Variants in VMA21 observed in about 807,000 individuals in gnomAD.
VMA21 encodes vacuolar ATPase assembly factor VMA21, also known as vacuolar ATPase assembly integral membrane protein VMA21.
For synonymous variants in VMA21, 47 were observed against 34.1 expected (o/e 1.38, Z -1.32); for missense variants, 61 against 80.6 (o/e 0.76, Z 0.93).
At chrX:151,396,641 G>T (rs2011190964), upstream of VMA21, 1 of 362,067 alleles carries the variant, frequency 2.8e-6, no homozygotes, top group African/African-American at 2.6e-5. Flanking sequence ...TAGTTTTACG[G>T]ACTCGGGTGA....
chrX:151,401,978 C>A (rs2011240401), intron 1 of VMA21, among the ~76,000 whole-genome samples: 2 of 110,350 alleles, frequency 1.8e-5, no homozygotes, highest in African/African-American at 6.6e-5. Flanking sequence ...GTCAAACTCC[C>A]GGCCTCAAGC....
At chrX:151,400,115 A>G (rs752052350) in intron 1 of VMA21, among the ~76,000 whole-genome samples, 72 of 110,992 alleles carry the variant, frequency 6.5e-4, no homozygotes, top group Non-Finnish European at 1.2e-3. Context: ...GTCCTCTTGT[A>G]CATTAGATAT....
At position 151,408,283 on chromosome X, in the gene VMA21, A is replaced by T. The variant is rs2011316642; in HGVS notation, c.*3225A>T. The T allele has an allele frequency of 8.9e-6, 1 of 111,755 alleles. No homozygotes were observed. Among genetic ancestry groups the T allele is most frequent in the South Asian group, 3.8e-4 (1 of 2,657 alleles). 9.2% of individuals were successfully genotyped at this position (111,755 alleles called of 1,213,427 possible). On this transcript the variant is annotated 3_prime_UTR_variant, in exon 3 of 3. Coordinates refer to ENST00000330374, the MANE Select transcript of VMA21 (RefSeq NM_001017980.4). ...TGTTTGGCGTTTGTTTTCCATTTTC[A>T]TGTCAATTTTATGTATACAGTTAGA...
intron 1 of VMA21, among the ~76,000 whole-genome samples, chrX:151,399,815 C>T (rs2011224141): frequency 9.0e-6 from 1 of 111,184 alleles, no homozygotes; most frequent in African/African-American, 3.3e-5. Flanking sequence ...TAATTTCTCA[C>T]ACATGTGCAG....
At chrX:151,397,097 C>G (rs2011196556), upstream of VMA21, 1 of 368,363 alleles carries the variant, frequency 2.7e-6, no homozygotes. Flanking sequence ...CGGCAACAGC[C>G]CTGCGTCGCT....
chrX:151,397,554 A>G (rs1172806499), intron 1 of VMA21, among the ~76,000 whole-genome samples, 193 bp downstream of exon 1: 1 of 112,586 alleles, frequency 8.9e-6, no homozygotes, highest in Non-Finnish European at 1.9e-5. Flanking sequence ...GCTCGGGAAC[A>G]AGGGATCCGG....
At position 151,408,294 on chromosome X, in the gene VMA21, A is replaced by G. The variant is rs893546987; in HGVS notation, c.*3236A>G. On this transcript the variant is annotated 3_prime_UTR_variant, in exon 3 of 3. Coordinates refer to ENST00000330374, the MANE Select transcript of VMA21 (RefSeq NM_001017980.4). ...TGTTTTCCATTTTCATGTCAATTTT[A>G]TGTATACAGTTAGAATACCCAAGGA... 1.8e-4 allele frequency: 20 copies of G among 112,052 alleles called. No homozygotes were observed. Among genetic ancestry groups the G allele is most frequent in the African/African-American group, 6.5e-4 (20 of 30,782 alleles). The allele number at this position is 112,052 out of a possible 1,213,427, so 9.2% of individuals were successfully genotyped here.
intron 1 of VMA21, among the ~76,000 whole-genome samples, chrX:151,400,820 T>G (rs914091236): frequency 1.8e-5 from 2 of 112,642 alleles, no homozygotes; most frequent in Admixed American, 1.9e-4. Context: ...CATTTTCATT[T>G]ATCTCTTGGC....
chrX:151,399,677 G>A (rs775524657), intron 1 of VMA21, among the ~76,000 whole-genome samples: 12 of 111,574 alleles, frequency 1.1e-4, no homozygotes, highest in Non-Finnish European at 1.9e-4. Flanking sequence ...AACAGTTTAA[G>A]GGAGCTTATG....
rs2011280658 is a variant in VMA21 at position 151,405,440 on chromosome X, G to T, written c.*382G>T. ...TGAAGCAAATTAAACTCCACTTTAC[G>T]CTGGAATGCTTTCTTTAGCATGAAA... On this transcript the variant is annotated 3_prime_UTR_variant, in exon 3 of 3. Coordinates refer to ENST00000330374, the MANE Select transcript of VMA21 (RefSeq NM_001017980.4). 1 of 123,607 alleles carries T rather than the reference G, an allele frequency of 8.1e-6. No individual in the cohort carries two copies. Among genetic ancestry groups the T allele is most frequent in the South Asian group, 2.9e-4 (1 of 3,456 alleles). The allele number at this position is 123,607 out of a possible 1,213,427, so 10.2% of individuals were successfully genotyped here.
In VMA21 at chrX:151,397,319, C is replaced by A. The variant is rs1465930949; in HGVS notation, c.11C>A (p.Pro4Gln). The A allele has an allele frequency of 1.7e-6, 2 of 1,161,870 alleles. No homozygotes were observed. The highest frequency in any genetic ancestry group is 3.5e-5 in the African/African-American group (2 of 56,556). The change falls in exon 1 of 3, where the codon CCG (proline) becomes CAG (glutamine). Residue 4 changes from proline (P) to glutamine (Q), a missense_variant. By Grantham distance (76) the Pro-to-Gln change is moderately conservative. Coordinates refer to ENST00000330374, the MANE Select transcript of VMA21 (RefSeq NM_001017980.4). ...CGGCACGGCTACACCATGGAGCGCC[C>A]GGATAAGGCGGCGCTGAACGCACTG... MER[P>Q]DKAALNALQP... is the part of the protein sequence containing the mutation.
At position 151,402,330 on chromosome X, in the gene VMA21, C is replaced by T. The variant is rs752710926; in HGVS notation, c.54-1301C>T. On this transcript the variant is annotated intron_variant, in intron 1 of 2. Coordinates refer to ENST00000330374, the MANE Select transcript of VMA21 (RefSeq NM_001017980.4). The stretch of plus-strand genomic sequence containing the variant: ...CCAAGTAGCTGGGACTATAGGCACA[C>T]GCCACCACTCTCAGCTAATTTTTGT... Among the ~76,000 whole-genome samples, 385 of 111,557 alleles carry T rather than the reference C, an allele frequency of 3.5e-3. 2 individuals carry two copies. Among genetic ancestry groups the T allele is most frequent in the African/African-American group, 0.012 (363 of 30,646 alleles).
chrX:151,397,380 T>G lies in VMA21; in HGVS notation c.53+19T>G, dbSNP rs1274924083. 2 of 1,157,557 alleles carry G rather than the reference T, an allele frequency of 1.7e-6. No homozygotes were observed. Among genetic ancestry groups the G allele is most frequent in the Non-Finnish European group, 2.3e-6 (2 of 870,942 alleles). The stretch of plus-strand genomic sequence containing the variant: ...AGTTCAGGTAGCCCTGAGCGGGGCC[T>G]GGACCGCGAGGCGGACTGGCCCCAG... On this transcript the variant is annotated intron_variant, in intron 1 of 2. Transcript: ENST00000330374.
At chrX:151,400,839 T>C (rs1398300118) in intron 1 of VMA21, among the ~76,000 whole-genome samples, 5 of 112,642 alleles carry the variant, frequency 4.4e-5, no homozygotes, top group Non-Finnish European at 7.5e-5. Flanking sequence ...GCCATTTTTA[T>C]GTCTTTGGAG....
chrX:151,404,445 G>A (rs1602820546), intron 2 of VMA21, among the ~76,000 whole-genome samples: 2 of 109,387 alleles, frequency 1.8e-5, no homozygotes, highest in African/African-American at 6.7e-5. Flanking sequence ...TTGAGACGGA[G>A]TCTCGCTCAG....
intron 1 of VMA21, among the ~76,000 whole-genome samples, chrX:151,403,211 G>A (rs1182579110): frequency 2.7e-5 from 3 of 112,272 alleles, no homozygotes; most frequent in South Asian, 3.7e-4. Flanking sequence ...TGCCTGCTGC[G>A]TTCCCAGCTC....
Position 151,397,341 on chromosome X carries a change from A to T in VMA21, c.33A>T (p.Ala11=). The T allele has an allele frequency of 8.6e-7, 1 of 1,162,757 alleles. No homozygotes were observed. The highest frequency in any genetic ancestry group is 1.1e-6 in the Non-Finnish European group (1 of 872,747). The change falls in exon 1 of 3, where the codon GCA becomes GCT. Residue 11 remains alanine, a synonymous_variant. Coordinates refer to ENST00000330374, the MANE Select transcript of VMA21 (RefSeq NM_001017980.4). ...GCCCGGATAAGGCGGCGCTGAACGC[A>T]CTGCAGCCTCCTGAGTTCAGGTAGC... is the stretch of plus-strand genomic sequence containing the variant. MERPDKAALN[A]LQPPEFRNES... is the part of the protein sequence containing the mutation.
chrX:151,400,193 C>G (rs2011226868), intron 1 of VMA21, among the ~76,000 whole-genome samples: 1 of 109,614 alleles, frequency 9.1e-6, no homozygotes, highest in Non-Finnish European at 1.9e-5. Flanking sequence ...TTCCTCCCCT[C>G]CAGCCTCCCA....
At chrX:151,396,764 G>A (rs1014888760), upstream of VMA21, 1 of 449,633 alleles carries the variant, frequency 2.2e-6, no homozygotes, top group Admixed American at 3.9e-5. Flanking sequence ...CTGCTTTTTT[G>A]TGTTGTCGTC....
Sources: gnomAD v4.1 joint callset for allele counts (sites outside exome capture counted in the v4.1 genomes callset) on GRCh38, gnomAD v4.1.1 for gene constraint, MANE v1.5 for transcripts, NCBI Gene and HGNC (gene_info 2026-07-23, HGNC 2026-07-21) for gene names.